The following RSRC1 variants were observed in gnomAD, a reference collection of about 807,000 sequenced individuals.
The protein encoded by RSRC1 is arginine and serine rich coiled-coil 1, also known as serine/Arginine-related protein 53.
Under a neutral mutation model 49.1 loss-of-function variants are expected in RSRC1, and 39 were observed. That is an observed-to-expected ratio of 0.79 (90% CI 0.61 to 1.04). RSRC1 has a LOEUF of 1.04. Ranked by LOEUF, RSRC1 falls within the 50% of genes least tolerant of loss-of-function variation. The pLI is 0.00. For synonymous variants in RSRC1, 143 were observed against 130.8 expected (o/e 1.09, Z -0.63); for missense variants, 388 against 402.4 (o/e 0.96, Z 0.31).
At chr3:158,137,088 A>G (rs112477586) in intron 3 of RSRC1, among the ~76,000 whole-genome samples, 2,221 of 152,292 alleles carry the variant, frequency 0.015, 24 homozygotes, top group Middle Eastern at 0.031. Flanking sequence ...TATTCAGGTC[A>G]CTATTTATTT....
chr3:158,146,637 G>T (rs1428947831), intron 3 of RSRC1, among the ~76,000 whole-genome samples: 3 of 152,110 alleles, frequency 2.0e-5, no homozygotes, highest in Admixed American at 6.5e-5. Flanking sequence ...GATGATGCTG[G>T]CCTCATAAAA....
At chr3:158,356,260 C>G (rs1731151237) in intron 6 of RSRC1, among the ~76,000 whole-genome samples, 3 of 151,988 alleles carry the variant, frequency 2.0e-5, no homozygotes. Context: ...AAAGTAATTT[C>G]AGACCACCAA....
rs1344415960 is a variant in RSRC1, at chr3:158,285,851, G to A, written c.495-12188G>A. ...TGTCATCTGCAAACAGGGACAATTT[G>A]ACTTCCTCTTTTCCTAATTGAATAC... On this transcript the variant is annotated intron_variant, in intron 4 of 9. Coordinates refer to ENST00000611884, the MANE Select transcript of RSRC1 (RefSeq NM_001271838.2). Among the ~76,000 whole-genome samples, 3 of 152,144 alleles carry A rather than the reference G, an allele frequency of 2.0e-5. No individual in the cohort carries two copies. In the East Asian group the frequency reaches 5.8e-4, roughly 29 times the overall value.
intron 7 of RSRC1, among the ~76,000 whole-genome samples, chr3:158,500,708 A>G (rs1254046205): frequency 1.3e-5 from 2 of 152,054 alleles, no homozygotes; most frequent in East Asian, 1.9e-4. Context: ...TGTGAGTTTA[A>G]TATCTCCTGT....
intron 6 of RSRC1, among the ~76,000 whole-genome samples, chr3:158,357,473 G>A (rs191623313): frequency 6.6e-6 from 1 of 152,166 alleles, no homozygotes; most frequent in East Asian, 1.9e-4. Context: ...TGTATAATAT[G>A]ATATAACATA....
At chr3:158,235,199 C>T (rs1462400286) in intron 4 of RSRC1, among the ~76,000 whole-genome samples, 3 of 150,624 alleles carry the variant, frequency 2.0e-5, no homozygotes, top group Non-Finnish European at 4.4e-5. Flanking sequence ...AACTAATGAA[C>T]TCATTAGTTT....
chr3:158,436,339 G>A (rs1736039987), intron 6 of RSRC1, among the ~76,000 whole-genome samples: 2 of 151,928 alleles, frequency 1.3e-5, no homozygotes, highest in African/African-American at 2.4e-5. Flanking sequence ...AATATTATGA[G>A]TGTAGATAAA....
chr3:158,483,296 T>A (rs1030516213), intron 7 of RSRC1, among the ~76,000 whole-genome samples: 1 of 152,048 alleles, frequency 6.6e-6, no homozygotes, highest in African/African-American at 2.4e-5. Context: ...AGTTGGTGTG[T>A]TTGCCTTGTT....
chr3:158,468,624 G>A (rs1737993256), intron 7 of RSRC1, among the ~76,000 whole-genome samples: 2 of 152,074 alleles, frequency 1.3e-5, no homozygotes, highest in Admixed American at 6.6e-5. Context: ...TTTGCTCACT[G>A]GAGTGAATGT....
intron 6 of RSRC1, among the ~76,000 whole-genome samples, chr3:158,421,732 T>A (rs957681162): frequency 6.6e-6 from 1 of 151,858 alleles, no homozygotes; most frequent in Admixed American, 6.6e-5. Context: ...GAAACCATCA[T>A]GTACAAACAC....
At chr3:158,513,741 A>G (rs977362224) in intron 7 of RSRC1, among the ~76,000 whole-genome samples, 2 of 152,188 alleles carry the variant, frequency 1.3e-5, no homozygotes, top group African/African-American at 4.8e-5. Flanking sequence ...CTGTGAATCC[A>G]TCTGGTCCTG....
At chr3:158,512,789 A>C (rs1490313434) in intron 7 of RSRC1, among the ~76,000 whole-genome samples, 20 of 151,402 alleles carry the variant, frequency 1.3e-4, no homozygotes, top group East Asian at 7.8e-4. Flanking sequence ...CTTTTATTTC[A>C]TTGAGCAGTG....
At chr3:158,355,235 T>G (rs1181977773) in intron 6 of RSRC1, among the ~76,000 whole-genome samples, 5 of 151,940 alleles carry the variant, frequency 3.3e-5, no homozygotes, top group Non-Finnish European at 5.9e-5. Context: ...ATTCTTTGAC[T>G]AATCCCAGAT....
At position 158,355,780 on chromosome 3, in the gene RSRC1, C is replaced by T. The variant is rs146361965; in HGVS notation, c.583+872C>T. Among the ~76,000 whole-genome samples, 1,432 of 147,324 alleles carry T rather than the reference C, an allele frequency of 9.7e-3. 2 individuals carry two copies. The highest frequency in any genetic ancestry group is 0.015 in the Non-Finnish European group (1,000 of 67,866). On this transcript the variant is annotated intron_variant, in intron 6 of 9. Coordinates refer to ENST00000611884, the MANE Select transcript of RSRC1 (RefSeq NM_001271838.2). ...AAGTTTTAATGAGTAGTACAATAGT[C>T]CTCTCTTATACATGGTGGATGTCTT... is the stretch of plus-strand genomic sequence containing the variant.
At chr3:158,382,647 C>A (rs73170364) in intron 6 of RSRC1, among the ~76,000 whole-genome samples, 33,382 of 152,068 alleles carry the variant, frequency 0.22, 4,272 homozygotes, top group Non-Finnish European at 0.29. Context: ...GCTTTCTCAG[C>A]AAAAATACCC....
In RSRC1 at chr3:158,461,419, CATAA is replaced by C. The variant is rs571003171; in HGVS notation, c.652+420_652+423del. Among the ~76,000 whole-genome samples the C allele has an allele frequency of 1.9e-3, 293 of 151,912 alleles. 1 individual carries two copies. The highest frequency in any genetic ancestry group is 6.7e-3 in the African/African-American group (280 of 41,500). ...GAGAGAACATTGAAATTCAAAATGT[CATAA>C]ATAGTCATATGAAATCCATGTCTTC... On this transcript the variant is annotated intron_variant, in intron 7 of 9. Transcript: ENST00000611884.
At chr3:158,256,935 A>G (rs2108025694) in intron 4 of RSRC1, among the ~76,000 whole-genome samples, 1 of 152,006 alleles carries the variant, frequency 6.6e-6, no homozygotes, top group East Asian at 1.9e-4. Context: ...ATCATTTTTT[A>G]TTGCACCTAT....
At chr3:158,512,857 A>G (rs1481395071) in intron 7 of RSRC1, among the ~76,000 whole-genome samples, 1 of 150,526 alleles carries the variant, frequency 6.6e-6, no homozygotes, top group African/African-American at 2.4e-5. Flanking sequence ...ATTCCTAAGT[A>G]TTTTATTCTC....
intron 6 of RSRC1, among the ~76,000 whole-genome samples, chr3:158,366,019 T>G (rs1048493077): frequency 4.6e-5 from 7 of 152,364 alleles, no homozygotes; most frequent in African/African-American, 1.7e-4. Context: ...TAAATTTGTT[T>G]AAGTTCCTTA....
Sources: allele counts gnomAD v4.1 joint callset (sites outside exome capture counted in the v4.1 genomes callset), GRCh38; gene constraint gnomAD v4.1.1; transcripts MANE v1.5; gene names NCBI Gene and HGNC (gene_info 2026-07-23, HGNC 2026-07-21).